The following CRISP1 variants were observed in gnomAD, a reference collection of about 807,000 sequenced individuals.
The protein encoded by CRISP1 is cysteine rich secretory protein 1, also known as cysteine-rich secretory protein 1.
Under a neutral mutation model 33.1 loss-of-function variants are expected in CRISP1, and 44 were observed. The observed-to-expected ratio is 1.33, with a 90% CI of 1.05 to 1.71. The LOEUF is 1.71. Among genes scored for constraint, CRISP1 ranks in the 40% most tolerant of loss-of-function variants. The pLI, the probability that CRISP1 is intolerant of heterozygous loss-of-function variation, is 0.00. For synonymous variants in CRISP1, 103 were observed against 98.7 expected (o/e 1.04, Z -0.26); for missense variants, 390 against 301.2 (o/e 1.29, Z -2.18).
chr6:49,868,544 G>A (rs1429617727), upstream of CRISP1, among the ~76,000 whole-genome samples: 2 of 152,048 alleles, frequency 1.3e-5, no homozygotes, highest in Non-Finnish European at 2.9e-5. Context: ...ATTTTAGAAA[G>A]CCCAGATATA....
chr6:49,862,604 G>T (rs1370882509), intron 1 of CRISP1, among the ~76,000 whole-genome samples: 1 of 152,084 alleles, frequency 6.6e-6, no homozygotes, highest in East Asian at 1.9e-4. Context: ...TCTTGAGAAT[G>T]ATTATGGGAT....
chr6:49,844,065 G>T (rs764011109), intron 5 of CRISP1, among the ~76,000 whole-genome samples: 5 of 152,124 alleles, frequency 3.3e-5, no homozygotes, highest in Non-Finnish European at 5.9e-5. Context: ...AGCAATTGAA[G>T]AAATCTTTAT....
At chr6:49,848,866 G>C (rs1771265287) in intron 3 of CRISP1, among the ~76,000 whole-genome samples, 1 of 151,958 alleles carries the variant, frequency 6.6e-6, no homozygotes, top group Non-Finnish European at 1.5e-5. Context: ...CACCAATTCT[G>C]TGTGTATCTT....
At position 49,852,058 on chromosome 6, in the gene CRISP1, A is replaced by G; in HGVS notation, c.138T>C (p.Asn46=). 6.2e-7 allele frequency: 1 copy of G among 1,613,388 alleles called. No homozygotes were observed. Among genetic ancestry groups the G allele is most frequent in the South Asian group, 1.1e-5 (1 of 91,038 alleles). ...CTCTTCTCCTGAGGGCGTTGTGTAT[A>G]TTAACGATCTCTTCTTGTACATTTG... ...DLPNVQEEIV[N]IHNALRRRVV... is the part of the protein sequence containing the mutation. Residue 46 remains asparagine, a synonymous_variant, in exon 3 of 8, where the codon AAT becomes AAC. Coordinates refer to ENST00000335847, the MANE Select transcript of CRISP1 (RefSeq NM_001131.3).
chr6:49,857,070 G>A (rs1001518404), intron 2 of CRISP1, among the ~76,000 whole-genome samples: 2 of 152,124 alleles, frequency 1.3e-5, no homozygotes, highest in Non-Finnish European at 2.9e-5. Flanking sequence ...GACCCACAGA[G>A]CTAACTGATT....
chr6:49,839,831 T>C (rs1297281386), intron 6 of CRISP1, among the ~76,000 whole-genome samples: 1 of 152,230 alleles, frequency 6.6e-6, no homozygotes, highest in Non-Finnish European at 1.5e-5. Flanking sequence ...GCACAATTTA[T>C]ATATAACTCA....
At chr6:49,838,780 A>G (rs892455508) in intron 6 of CRISP1, among the ~76,000 whole-genome samples, 2 of 152,200 alleles carry the variant, frequency 1.3e-5, no homozygotes, top group East Asian at 1.9e-4. Flanking sequence ...TCAAGTCCTA[A>G]CAGTACTTGG....
intron 1 of CRISP1, among the ~76,000 whole-genome samples, chr6:49,876,527 A>G (rs190884145): frequency 6.6e-6 from 1 of 152,212 alleles, no homozygotes; most frequent in East Asian, 1.9e-4. Flanking sequence ...CAGCAATTTC[A>G]TTACTGGGTA....
In CRISP1 at chr6:49,843,589, T is replaced by C. The variant is rs377054688; in HGVS notation, c.436-2594A>G. Among the ~76,000 whole-genome samples, 9 of 152,268 alleles carry C rather than the reference T, an allele frequency of 5.9e-5. No homozygotes were observed. The East Asian group carries it at 9.6e-4, about 16-fold the overall frequency. On this transcript the variant is annotated intron_variant, in intron 5 of 7. Transcript: ENST00000335847. ...CTTTGTGAATTCAATAAAATAAACTTCTGTGGTTTAAGTCATTCAGGAATG... is the reference window on the plus strand; with the variant it reads ...CTTTGTGAATTCAATAAAATAAACTCCTGTGGTTTAAGTCATTCAGGAATG...
chr6:49,846,061 G>A (rs564273322), intron 5 of CRISP1, among the ~76,000 whole-genome samples: 8 of 152,092 alleles, frequency 5.3e-5, no homozygotes, highest in Non-Finnish European at 8.8e-5. Flanking sequence ...TGGCGATGGC[G>A]TTGCACAACG....
chr6:49,864,824 G>A (rs551653700), intron 1 of CRISP1, among the ~76,000 whole-genome samples: 1 of 151,968 alleles, frequency 6.6e-6, no homozygotes, highest in African/African-American at 2.4e-5. Flanking sequence ...AATGTTTTAC[G>A]AATACCTTCC....
intron 3 of CRISP1, among the ~76,000 whole-genome samples, chr6:49,850,840 T>A (rs887448543): frequency 6.6e-6 from 1 of 152,178 alleles, no homozygotes; most frequent in Non-Finnish European, 1.5e-5. Context: ...GTAAACTTAT[T>A]TGCTCATCTG....
chr6:49,857,333 A>G lies in CRISP1; in HGVS notation c.66+2T>C. On this transcript the variant is annotated splice_donor_variant, in intron 2 of 7. Coordinates refer to ENST00000335847, the MANE Select transcript of CRISP1 (RefSeq NM_001131.3). LOFTEE classifies it high-confidence loss of function. ...ATTATGAAACATCCAACCCTCACAT[A>G]CTTTCATGGACAACATAGGCAGTAA... 2 of 1,612,470 alleles carry G rather than the reference A, an allele frequency of 1.2e-6. No homozygotes were observed. Among genetic ancestry groups the G allele is most frequent in the Non-Finnish European group, 1.7e-6 (2 of 1,178,860 alleles).
chr6:49,868,176 T>A (rs763192890), upstream of CRISP1, among the ~76,000 whole-genome samples: 19 of 152,274 alleles, frequency 1.2e-4, no homozygotes, highest in Middle Eastern at 0.02. Flanking sequence ...TTTAAAAGAA[T>A]TTGGGAAGTG....
chr6:49,841,832 T>A (rs1771000322), intron 5 of CRISP1, among the ~76,000 whole-genome samples: 1 of 152,170 alleles, frequency 6.6e-6, no homozygotes, highest in Non-Finnish European at 1.5e-5. Context: ...CTGAGTTTCA[T>A]TTTCTCAGCT....
In CRISP1 at chr6:49,838,443, G is replaced by A. The variant is rs180882423; in HGVS notation, c.616C>T (p.Leu206Phe). 7 of 1,610,974 alleles carry A rather than the reference G, an allele frequency of 4.3e-6. No homozygotes were observed. Among genetic ancestry groups the A allele is most frequent in the Middle Eastern group, 1.6e-4 (1 of 6,074 alleles). ...AGAATGCAAACAAACTTACTGCAAA[G>A]TTTGTCTTCACAGTTACTTGGGCAG... The part of the protein sequence containing the change: ...EACPSNCEDK[L>F]CTNPCIYYDE... The change falls in exon 7 of 8, where the codon CTT becomes TTT. Residue 206 changes from leucine (L) to phenylalanine (F), a missense_variant. Coordinates refer to ENST00000335847, the MANE Select transcript of CRISP1 (RefSeq NM_001131.3).
chr6:49,835,479 T>G, intron 7 of CRISP1, 36 bp from the exon 8 acceptor site: 2 of 1,598,716 alleles, frequency 1.3e-6, no homozygotes. Context: ...AACACAGTCT[T>G]TTAAAAATCG....
upstream of CRISP1, among the ~76,000 whole-genome samples, chr6:49,868,360 C>T (rs1456163991): frequency 6.6e-6 from 1 of 152,132 alleles, no homozygotes; most frequent in Non-Finnish European, 1.5e-5. Context: ...TAATCTGACA[C>T]ATTTATCTAG....
intron 2 of CRISP1, among the ~76,000 whole-genome samples, chr6:49,855,114 ACT>A (rs1278524049): frequency 2.0e-5 from 3 of 151,910 alleles, no homozygotes; most frequent in African/African-American, 7.3e-5. Context: ...GAACAAACAC[ACT>A]CTTTATTTTT....
Sources: gnomAD v4.1 joint callset for allele counts (sites outside exome capture counted in the v4.1 genomes callset) on GRCh38, gnomAD v4.1.1 for gene constraint, MANE v1.5 for transcripts, NCBI Gene and HGNC (gene_info 2026-07-23, HGNC 2026-07-21) for gene names.